CCDC3: variants seen among roughly 807,000 people sequenced by gnomAD.
CCDC3 encodes coiled-coil domain containing 3.
CCDC3 carries 24 observed loss-of-function variants against 21.4 expected under a neutral mutation model. That is an observed-to-expected ratio of 1.12 (90% CI 0.81 to 1.58). CCDC3 has a LOEUF of 1.58. Ranked by LOEUF, CCDC3 falls within the 40% of genes most tolerant of loss-of-function variation. The probability of loss-of-function intolerance (pLI) is 0.00; values close to 1 mark genes in which losing one functional copy is unlikely to be tolerated. For synonymous variants in CCDC3, 186 were observed against 166.0 expected (o/e 1.12, Z -0.93); for missense variants, 425 against 360.9 (o/e 1.18, Z -1.44).
At chr10:13,097,315 A>ACTT (rs1179071232) in intron 3 of CCDC3, among the ~76,000 whole-genome samples, 1 of 152,228 alleles carries the variant, frequency 6.6e-6, no homozygotes, top group African/African-American at 2.4e-5. Flanking sequence ...CTCTAACACA[A>ACTT]GCAACAGCAA....
intron 1 of CCDC3, among the ~76,000 whole-genome samples, chr10:13,000,632 T>C (rs1257016149): frequency 6.6e-6 from 1 of 152,174 alleles, no homozygotes; most frequent in Non-Finnish European, 1.5e-5. Context: ...TCTTGGCATT[T>C]GAGCAAATGA....
chr10:13,017,930 T>C (rs1235257039), intron 5 of CCDC3, among the ~76,000 whole-genome samples: 1 of 152,002 alleles, frequency 6.6e-6, no homozygotes, highest in East Asian at 1.9e-4. Context: ...TTCAATTAAA[T>C]GTCCATGTAA....
chr10:13,049,875 A>G (rs182835854), exon 5 of CCDC3: 15 of 152,320 alleles, frequency 9.8e-5, no homozygotes, highest in Admixed American at 2.6e-4. Context: ...TTTCTTCAGC[A>G]TGCCTCTGCC....
Position 12,898,048 on chromosome 10 carries a change from T to C in CCDC3, c.*368A>G. On this transcript the variant is annotated 3_prime_UTR_variant, in exon 3 of 3. Transcript: ENST00000378825. ...GGGAGCTGGGAACCACCCTGATTTT[T>C]TTCTGAAATAAAGGCTAAGCACGTT... is the stretch of plus-strand genomic sequence containing the variant. The C allele has an allele frequency of 5.2e-6, 1 of 192,880 alleles. No homozygotes were observed. Among genetic ancestry groups the C allele is most frequent in the Non-Finnish European group, 1.1e-5 (1 of 93,142 alleles). The allele number at this position is 192,880 out of a possible 1,614,324, so 11.9% of individuals were successfully genotyped here.
At chr10:12,924,962 C>A (rs532876262) in intron 2 of CCDC3, among the ~76,000 whole-genome samples, 10 of 152,246 alleles carry the variant, frequency 6.6e-5, no homozygotes, top group Admixed American at 3.3e-4. Flanking sequence ...AAAGTGAAAT[C>A]GATGTGGCAG....
At chr10:13,037,315 T>A (rs1263744835) in intron 5 of CCDC3, among the ~76,000 whole-genome samples, 2 of 152,210 alleles carry the variant, frequency 1.3e-5, no homozygotes, top group Non-Finnish European at 2.9e-5. Flanking sequence ...AATTAAATAC[T>A]TCATTGGGTA....
intron 2 of CCDC3, among the ~76,000 whole-genome samples, chr10:12,939,055 C>T (rs917677743): frequency 5.3e-5 from 8 of 151,638 alleles, no homozygotes; most frequent in African/African-American, 2.0e-4. Context: ...TCAGAATCTC[C>T]AGCCTCAATT....
intron 2 of CCDC3, among the ~76,000 whole-genome samples, chr10:12,985,294 G>A (rs973466084): frequency 3.9e-5 from 6 of 152,214 alleles, no homozygotes; most frequent in African/African-American, 7.2e-5. Flanking sequence ...TGGCAACGAG[G>A]CAGGGAACTG....
chr10:12,937,128 G>GACTC (rs1186694003), intron 2 of CCDC3, among the ~76,000 whole-genome samples: 1 of 149,672 alleles, frequency 6.7e-6, no homozygotes, highest in African/African-American at 2.5e-5. Context: ...TTTACCCTCA[G>GACTC]ACTCATTCAC....
Position 12,981,177 on chromosome 10 carries a change from AT to A in CCDC3, c.549+17160del, listed in dbSNP as rs59193619. On this transcript the variant is annotated intron_variant, in intron 2 of 2. Transcript: ENST00000378825. The stretch of plus-strand genomic sequence containing the variant: ...TGTGAGCCACTGCATCTGGCCCAGG[AT>A]TTTTTTTTTTTTTTTTTTTTTGAGA... 9.5e-3 allele frequency among the ~76,000 whole-genome samples: 1,000 copies of A among 105,514 alleles called. 14 individuals are homozygous for A. Among genetic ancestry groups the A allele is most frequent in the African/African-American group, 0.033 (850 of 25,760 alleles). 69.2% of individuals were successfully genotyped at this position (105,514 alleles called of 152,430 possible).
intron 5 of CCDC3, among the ~76,000 whole-genome samples, chr10:13,033,156 G>A (rs1391418944): frequency 6.6e-6 from 1 of 152,096 alleles, no homozygotes; most frequent in Admixed American, 6.6e-5. Flanking sequence ...TAGACCAATG[G>A]AACAGAACAG....
chr10:12,939,063 A>C lies in CCDC3; in HGVS notation c.550-40384T>G, dbSNP rs983167409. Reference sequence around the variant, plus strand: ...TACAAATTCAGAATCTCCAGCCTCAATTCTGCCCAGCCTTTACGTGCCTCA... The same window carrying C: ...TACAAATTCAGAATCTCCAGCCTCACTTCTGCCCAGCCTTTACGTGCCTCA... On this transcript the variant is annotated intron_variant, in intron 2 of 2. Coordinates refer to ENST00000378825, the MANE Select transcript of CCDC3 (RefSeq NM_031455.4). 3.0e-4 allele frequency among the ~76,000 whole-genome samples: 45 copies of C among 151,592 alleles called. 1 individual carries two copies. Among genetic ancestry groups the C allele is most frequent in the Admixed American group, 2.5e-3 (38 of 15,278 alleles).
intron 2 of CCDC3, among the ~76,000 whole-genome samples, chr10:12,942,847 C>T (rs1257404514): frequency 1.3e-5 from 2 of 152,170 alleles, no homozygotes; most frequent in African/African-American, 2.4e-5. Context: ...CTCTTTCTCT[C>T]GCCTATTCAA....
intron 5 of CCDC3, chr10:13,049,602 T>C (rs1356815218): frequency 1.3e-5 from 2 of 152,206 alleles, no homozygotes; most frequent in African/African-American, 2.4e-5. Flanking sequence ...AGAGATTTCT[T>C]GGAGAATTAT....
intron 2 of CCDC3, among the ~76,000 whole-genome samples, chr10:12,931,084 G>A (rs759510777): frequency 9.9e-5 from 15 of 151,842 alleles, no homozygotes; most frequent in Non-Finnish European, 1.5e-4. Context: ...GGTGGCCTGC[G>A]GCTGTAATCC....
chr10:13,020,830 A>G (rs975076166), intron 5 of CCDC3, among the ~76,000 whole-genome samples: 2 of 152,226 alleles, frequency 1.3e-5, no homozygotes, highest in Admixed American at 1.3e-4. Flanking sequence ...TACAATGACT[A>G]TGAGCAAAAA....
At chr10:12,910,611 A>ATTTT (rs11320030) in intron 2 of CCDC3, among the ~76,000 whole-genome samples, 1,060 of 105,224 alleles carry the variant, frequency 0.01, 11 homozygotes, top group Non-Finnish European at 0.015. Context: ...AAAAAAAAAA[A>ATTTT]TTTTTTTTTT....
intron 3 of CCDC3, among the ~76,000 whole-genome samples, chr10:13,097,091 G>A (rs1832636609): frequency 6.6e-6 from 1 of 152,124 alleles, no homozygotes; most frequent in African/African-American, 2.4e-5. Context: ...GGGTGGAAAG[G>A]GAACACAAGG....
intron 3 of CCDC3, chr10:13,074,153 A>ATATATATATTTTTTT (rs1365749317): frequency 1.6e-5 from 1 of 64,292 alleles, no homozygotes; most frequent in South Asian, 6.8e-4. Context: ...ATATATATAT[A>ATATATATATTTTTTT]TTTTTTTTTT....
Sources: allele counts gnomAD v4.1 joint callset (sites outside exome capture counted in the v4.1 genomes callset), GRCh38; gene constraint gnomAD v4.1.1; transcripts MANE v1.5; gene names NCBI Gene and HGNC (gene_info 2026-07-23, HGNC 2026-07-21).